Variants in PPIL2 observed in about 807,000 individuals in gnomAD.
The protein encoded by PPIL2 is RING-type E3 ubiquitin-protein ligase PPIL2.
In PPIL2, 50 loss-of-function variants were observed where a neutral mutation model predicts 75.2. That is an observed-to-expected ratio of 0.66 (90% CI 0.53 to 0.84). The LOEUF (loss-of-function observed/expected upper bound fraction) is 0.84. PPIL2 is among the 40% of genes least tolerant of loss of function. The probability of loss-of-function intolerance (pLI) is 0.00; values close to 1 mark genes in which losing one functional copy is unlikely to be tolerated. For synonymous variants in PPIL2, 245 were observed against 258.8 expected (o/e 0.95, Z 0.51); for missense variants, 590 against 685.0 (o/e 0.86, Z 1.55).
chr22:21,668,686 AAC>A (rs1335531630), intron 1 of PPIL2, among the ~76,000 whole-genome samples: 23 of 150,088 alleles, frequency 1.5e-4, no homozygotes, highest in Admixed American at 1.4e-3. Flanking sequence ...AGATTGACAA[AAC>A]AGACTCTTTG....
At chr22:21,680,645 T>C (rs986968485) in intron 6 of PPIL2, among the ~76,000 whole-genome samples, 16 of 151,488 alleles carry the variant, frequency 1.1e-4, no homozygotes, top group South Asian at 4.2e-4. Context: ...CTGGCTAACA[T>C]GGTGAAACCC....
intron 10 of PPIL2, 149 bp from the exon 11 acceptor site, chr22:21,686,334 G>A (rs1281811998): frequency 1.4e-6 from 1 of 691,882 alleles, no homozygotes; most frequent in African/African-American, 1.8e-5. Flanking sequence ...TCTTCCTCCT[G>A]CTGGTTGGGG....
chr22:21,671,043 A>G lies in PPIL2; in HGVS notation c.175A>G (p.Ile59Val). Residue 59 changes from isoleucine (I) to valine (V), a missense_variant, in exon 4 of 20, where the codon ATC becomes GTC. Physicochemically the swap from Ile to Val is conservative, Grantham distance 29. Transcript: ENST00000398831. ...FVYPVCTPDG[I>V]VFDLLNIVPW... ...CTACCCAGTCTGCACTCCCGATGGC[A>G]TCGTCTTTGACTTACTGTGAGTTTT... 1.2e-6 allele frequency: 2 copies of G among 1,612,114 alleles called. No individual in the cohort carries two copies. The highest frequency in any genetic ancestry group is 1.7e-6 in the Non-Finnish European group (2 of 1,178,112).
intron 14 of PPIL2, 73 bp from the exon 15 acceptor site, chr22:21,688,659 G>A (rs1355262198): frequency 4.1e-6 from 6 of 1,449,848 alleles, no homozygotes; most frequent in Non-Finnish European, 5.8e-6. Context: ...ATGCCCCTCG[G>A]GACTCTGAGG....
Position 21,686,551 on chromosome 22 carries a change from T to C in PPIL2, c.783T>C (p.His261=). ...TSTAMVPETT[H]EAAAIDEDVL... ...CCGCGATGGTCCCGGAGACCACACA[T>C]GAAGCAGGTAGCCACCTTGGCCTCT... Residue 261 remains histidine, a synonymous_variant, in exon 11 of 20, where the codon CAT becomes CAC. Coordinates refer to ENST00000398831, the MANE Select transcript of PPIL2 (RefSeq NM_014337.4). The C allele has an allele frequency of 6.2e-7, 1 of 1,614,062 alleles. No homozygotes were observed. Among genetic ancestry groups the C allele is most frequent in the Non-Finnish European group, 8.5e-7 (1 of 1,179,940 alleles).
chr22:21,682,936 G>A lies in PPIL2; in HGVS notation c.478-246G>A, dbSNP rs149020308. ...AGCAATGAATGCTCGTTAGCCATGT[G>A]CCTGGAGGAAGGTCACAGCTCAGCC... On this transcript the variant is annotated intron_variant, in intron 8 of 19. Transcript: ENST00000398831. Among the ~76,000 whole-genome samples, 175 of 152,326 alleles carry A rather than the reference G, an allele frequency of 1.1e-3. 1 individual carries two copies. The highest frequency in any genetic ancestry group is 3.3e-3 in the African/African-American group (136 of 41,586).
chr22:21,666,109 C>T lies in PPIL2; in HGVS notation c.10C>T (p.Arg4Ter), dbSNP rs1032127446. MGK[R>*]QHQKDKMYIT... ...CCGCCGCCGCTCCGCCATGGGGAAGCGACAGCACCAAAAGGACAAAATGTA... is the reference window on the plus strand; with the variant it reads ...CCGCCGCCGCTCCGCCATGGGGAAGTGACAGCACCAAAAGGACAAAATGTA... The change falls in exon 1 of 20, where the codon CGA becomes TGA. Residue 4 changes from arginine to a stop codon, truncating the protein, a stop_gained. Transcript: ENST00000398831. LOFTEE classifies it high-confidence loss of function. 6 of 1,613,742 alleles carry T rather than the reference C, an allele frequency of 3.7e-6. No individual in the cohort carries two copies. The highest frequency in any genetic ancestry group is 5.1e-6 in the Non-Finnish European group (6 of 1,179,822).
chr22:21,689,921 C>T (rs2067547960), intron 15 of PPIL2, among the ~76,000 whole-genome samples: 1 of 152,322 alleles, frequency 6.6e-6, no homozygotes, highest in East Asian at 1.9e-4. Context: ...CCGTGGCATT[C>T]TGGGGTGAAC....
Position 21,691,239 on chromosome 22 carries a change from C to T in PPIL2, c.1139+2390C>T, listed in dbSNP as rs190114454. On this transcript the variant is annotated intron_variant, in intron 15 of 19. Coordinates refer to ENST00000398831, the MANE Select transcript of PPIL2 (RefSeq NM_014337.4). ...GATTACAGGCATGAGCCACCACACTCGGCCTTCTTTTCTTATTTCTAGTAG... is the reference window on the plus strand; with the variant it reads ...GATTACAGGCATGAGCCACCACACTTGGCCTTCTTTTCTTATTTCTAGTAG... Among the ~76,000 whole-genome samples, 8 of 152,154 alleles carry T rather than the reference C, an allele frequency of 5.3e-5. No homozygotes were observed. The East Asian group carries it at 1.2e-3, about 22-fold the overall frequency.
chr22:21,680,216 G>A (rs1275352874), intron 6 of PPIL2, among the ~76,000 whole-genome samples: 1 of 152,052 alleles, frequency 6.6e-6, no homozygotes, highest in Non-Finnish European at 1.5e-5. Flanking sequence ...CACTGGGTGG[G>A]GACTTACAGG....
intron 10 of PPIL2, among the ~76,000 whole-genome samples, chr22:21,685,125 G>A (rs1238690751): frequency 1.3e-5 from 2 of 152,238 alleles, no homozygotes; most frequent in Non-Finnish European, 2.9e-5. Context: ...GAAGGCAGAA[G>A]GGGAGGGGCT....
Position 21,696,411 on chromosome 22 carries a change from T to C in PPIL2, c.*921T>C. 1 of 1,172,710 alleles carries C rather than the reference T, an allele frequency of 8.5e-7. No individual in the cohort carries two copies. 72.6% of individuals were successfully genotyped at this position (1,172,710 alleles called of 1,614,324 possible). A position where few individuals can be genotyped will look rare whatever the true frequency, so the allele number is the denominator to read the frequency against. On this transcript the variant is annotated 3_prime_UTR_variant, in exon 20 of 20. Transcript: ENST00000398831. Reference sequence around the variant, plus strand: ...TCCTGCTGAAGTGGCCTTGCTGCTCTCAGGCCCGGCCACTGGGCTCCAAGA... The same window carrying C: ...TCCTGCTGAAGTGGCCTTGCTGCTCCCAGGCCCGGCCACTGGGCTCCAAGA...
intron 16 of PPIL2, 101 bp downstream of exon 16, chr22:21,693,973 T>G: frequency 8.0e-7 from 1 of 1,250,504 alleles, no homozygotes; most frequent in South Asian, 1.2e-5. Flanking sequence ...ACCTGAGTCA[T>G]GTGCCATGCT....
chr22:21,668,379 C>G lies in PPIL2; in HGVS notation c.33-1534C>G, dbSNP rs112547360. 8.0e-3 allele frequency among the ~76,000 whole-genome samples: 1,215 copies of G among 151,844 alleles called. 18 individuals are homozygous for G. The highest frequency in any genetic ancestry group is 0.028 in the African/African-American group (1,166 of 41,478). ...CGGTGGCTCACACCTGTAATCCCAG[C>G]ACTTTGGGAGGCTGAGGCGGGTGGA... On this transcript the variant is annotated intron_variant, in intron 1 of 19. Coordinates refer to ENST00000398831, the MANE Select transcript of PPIL2 (RefSeq NM_014337.4).
At position 21,692,353 on chromosome 22, in the gene PPIL2, A is replaced by G. The variant is rs375356077; in HGVS notation, c.1140-1463A>G. On this transcript the variant is annotated intron_variant, in intron 15 of 19. Transcript: ENST00000398831. The stretch of plus-strand genomic sequence containing the variant: ...GTATTTTTAGTAGAGATGGGGTTTC[A>G]CCGTGTTAGCGAGGATGGTCTCGAT... 1.4e-3 allele frequency among the ~76,000 whole-genome samples: 209 copies of G among 151,036 alleles called. 1 individual carries two copies. Among genetic ancestry groups the G allele is most frequent in the Non-Finnish European group, 2.2e-3 (150 of 67,728 alleles).
chr22:21,672,860 G>T (rs1364315736), intron 5 of PPIL2, among the ~76,000 whole-genome samples: 1 of 152,220 alleles, frequency 6.6e-6, no homozygotes, highest in African/African-American at 2.4e-5. Context: ...CGGAGGGTCG[G>T]GACTCCGGTG....
intron 6 of PPIL2, among the ~76,000 whole-genome samples, chr22:21,680,279 C>T (rs1447346146): frequency 6.6e-6 from 1 of 152,142 alleles, no homozygotes; most frequent in Non-Finnish European, 1.5e-5. Flanking sequence ...GTAATGCCAG[C>T]ACTTTGAGAG....
At chr22:21,687,503 A>G (rs2067419492) in intron 12 of PPIL2, 140 bp from the exon 13 acceptor site, 1 of 622,386 alleles carries the variant, frequency 1.6e-6, no homozygotes, top group Non-Finnish European at 2.7e-6. Flanking sequence ...CAGTGAGCCA[A>G]GATCGCGCCA....
intron 17 of PPIL2, 28 bp downstream of exon 17, chr22:21,694,693 C>T (rs776248961): frequency 7.6e-5 from 122 of 1,613,142 alleles, no homozygotes; most frequent in Non-Finnish European, 7.6e-5. Context: ...TGGGGCGTGG[C>T]GGCTGGGGGC....
Sources: gnomAD v4.1 joint callset for allele counts (sites outside exome capture counted in the v4.1 genomes callset) on GRCh38, gnomAD v4.1.1 for gene constraint, MANE v1.5 for transcripts, NCBI Gene and HGNC (gene_info 2026-07-23, HGNC 2026-07-21) for gene names.